Variants in ACTR2 observed in about 807,000 individuals in gnomAD.
ACTR2 encodes the protein actin-related protein 2.
Under a neutral mutation model 50.2 loss-of-function variants are expected in ACTR2, and 5 were observed. The ratio of observed to expected loss-of-function variants is 0.10; its 90% CI spans 0.05 to 0.21. ACTR2 has a LOEUF of 0.21. Ranked by LOEUF, ACTR2 falls within the 10% of genes least tolerant of loss-of-function variation. The pLI is 1.00. For missense variants in ACTR2, 180 were observed against 480.6 expected (o/e 0.37, Z 5.85); for synonymous variants, 140 against 162.9 (o/e 0.86, Z 1.07).
At chr2:65,234,286 C>G (rs1226722011) in intron 1 of ACTR2, among the ~76,000 whole-genome samples, 1 of 152,162 alleles carries the variant, frequency 6.6e-6, no homozygotes, top group African/African-American at 2.4e-5. Flanking sequence ...GCAATTTTTG[C>G]TATCTTGATG....
At chr2:65,248,277 G>A (rs1397447100) in intron 3 of ACTR2, among the ~76,000 whole-genome samples, 2 of 152,166 alleles carry the variant, frequency 1.3e-5, no homozygotes, top group African/African-American at 2.4e-5. Context: ...GTGCGTGCCT[G>A]TAATCCCAGC....
At chr2:65,239,000 A>T (rs971078186) in intron 1 of ACTR2, among the ~76,000 whole-genome samples, 1 of 152,084 alleles carries the variant, frequency 6.6e-6, no homozygotes, top group Non-Finnish European at 1.5e-5. Context: ...TGCCTAATAA[A>T]TGTTTCTTTT....
rs2104031965 is a variant in ACTR2 at position 65,271,003 on chromosome 2, G to C, written c.*2269G>C. The stretch of plus-strand genomic sequence containing the variant: ...TTAAAAATTTAAAATTTTTAAATTA[G>C]AATTGCCAATACTTCTACATTTGAG... On this transcript the variant is annotated 3_prime_UTR_variant, in exon 9 of 9. Coordinates refer to ENST00000260641, the MANE Select transcript of ACTR2 (RefSeq NM_005722.4). 1 of 151,986 alleles carries C rather than the reference G, an allele frequency of 6.6e-6. No individual in the cohort carries two copies. The allele number at this position is 151,986 out of a possible 1,614,324, so 9.4% of individuals were successfully genotyped here.
In ACTR2 at chr2:65,227,848, A is replaced by G; in HGVS notation, c.-62A>G. 1 of 1,482,192 alleles carries G rather than the reference A, an allele frequency of 6.7e-7. No homozygotes were observed. The highest frequency in any genetic ancestry group is 9.0e-7 in the Non-Finnish European group (1 of 1,114,538). 91.8% of individuals were successfully genotyped at this position (1,482,192 alleles called of 1,614,324 possible). ...GGGAAGACGCAAGAGGAAGAAGAGA[A>G]AACGGCCGGGCGGCGGTGGCTGTAG... On this transcript the variant is annotated 5_prime_UTR_variant, in exon 1 of 9. Transcript: ENST00000260641.
intron 7 of ACTR2, among the ~76,000 whole-genome samples, chr2:65,264,110 T>TA (rs1672329843): frequency 6.6e-6 from 1 of 152,170 alleles, no homozygotes. Flanking sequence ...TCGACGTACC[T>TA]AAAGTGCGGA....
intron 2 of ACTR2, among the ~76,000 whole-genome samples, chr2:65,245,511 C>T (rs1671918934): frequency 1.3e-5 from 2 of 152,146 alleles, no homozygotes; most frequent in Admixed American, 1.3e-4. Flanking sequence ...TAGAGCGAGA[C>T]TCAGTCTCAA....
chr2:65,228,191 G>C (rs1186038439), intron 1 of ACTR2: 3 of 407,176 alleles, frequency 7.4e-6, no homozygotes, highest in Non-Finnish European at 8.6e-6. Flanking sequence ...GGGGCGGCGG[G>C]CGAGACCGGC....
chr2:65,255,484 C>G, intron 5 of ACTR2, 61 bp from the exon 6 acceptor site: 1 of 1,464,744 alleles, frequency 6.8e-7, no homozygotes, highest in East Asian at 2.3e-5. Flanking sequence ...GCATTACTAG[C>G]TTTTGCAGAG....
rs556589882 is a variant in ACTR2 at position 65,251,955 on chromosome 2, T to G, written c.448+856T>G. 7.2e-5 allele frequency among the ~76,000 whole-genome samples: 11 copies of G among 152,068 alleles called. 1 individual carries two copies. Among genetic ancestry groups the G allele is most frequent in the African/African-American group, 2.7e-4 (11 of 41,476 alleles). On this transcript the variant is annotated intron_variant, in intron 4 of 8. Coordinates refer to ENST00000260641, the MANE Select transcript of ACTR2 (RefSeq NM_005722.4). ...TTTTTTTTTTTATGGTCTTATAAAT[T>G]CAACAGGAACTTACTGAGAATGTCT...
chr2:65,239,923 T>C lies in ACTR2; in HGVS notation c.120T>C (p.Ile40=). The C allele has an allele frequency of 6.2e-7, 1 of 1,612,944 alleles. No individual in the cohort carries two copies. Among genetic ancestry groups the C allele is most frequent in the Non-Finnish European group, 8.5e-7 (1 of 1,179,044 alleles). Residue 40 remains isoleucine, a synonymous_variant, in exon 2 of 9, where the codon ATT becomes ATC. Transcript: ENST00000260641. ...TCCCAGCTTTGGTTGGAAGACCTAT[T>C]ATCAGATCAACCACCAAAGTGGGAA... is the stretch of plus-strand genomic sequence containing the variant. The part of the protein sequence containing the change: ...HIFPALVGRP[I]IRSTTKVGNI...
rs560043988 is a variant in ACTR2, at chr2:65,262,399, T to C, written c.881+1007T>C. On this transcript the variant is annotated intron_variant, in intron 7 of 8. Coordinates refer to ENST00000260641, the MANE Select transcript of ACTR2 (RefSeq NM_005722.4). ...CATGTACCACCATGCCCAGAATTTT[T>C]TTTTTTTTTTTTGTATTTTTTAGTA... Among the ~76,000 whole-genome samples the C allele has an allele frequency of 7.5e-4, 114 of 151,720 alleles. 2 individuals carry two copies. In the South Asian group the frequency reaches 0.024, roughly 32 times the overall value.
intron 8 of ACTR2, 51 bp from the exon 9 acceptor site, chr2:65,268,513 A>G: frequency 6.5e-7 from 1 of 1,527,776 alleles, no homozygotes; most frequent in Non-Finnish European, 8.9e-7. Flanking sequence ...TTCATAAAGC[A>G]GAAAGCACTG....
intron 1 of ACTR2, among the ~76,000 whole-genome samples, chr2:65,234,529 T>C (rs1671704473): frequency 6.6e-6 from 1 of 152,236 alleles, no homozygotes; most frequent in African/African-American, 2.4e-5. Context: ...GCTTAAAATA[T>C]ACTCATAAGA....
At position 65,248,003 on chromosome 2, in the gene ACTR2, A is replaced by G. The variant is rs558555799; in HGVS notation, c.375+1264A>G. On this transcript the variant is annotated intron_variant, in intron 3 of 8. Coordinates refer to ENST00000260641, the MANE Select transcript of ACTR2 (RefSeq NM_005722.4). ...AGTGTAAAGGTCTTAAGTTAGGAAC[A>G]AGCTTGGTATATTAAAGAATAAGCA... 4.6e-5 allele frequency among the ~76,000 whole-genome samples: 7 copies of G among 152,304 alleles called. No individual in the cohort carries two copies. The East Asian group carries it at 1.3e-3, about 29-fold the overall frequency.
In ACTR2 at chr2:65,251,190, T is replaced by G. The variant is rs1452786868; in HGVS notation, c.448+91T>G. The G allele has an allele frequency of 4.9e-6, 4 of 813,810 alleles. No homozygotes were observed. In the African/African-American group the frequency reaches 7.0e-5, roughly 14 times the overall value. The allele number at this position is 813,810 out of a possible 1,614,324, so 50.4% of individuals were successfully genotyped here. On this transcript the variant is annotated intron_variant, in intron 4 of 8. Transcript: ENST00000260641. ...GAGAATTTGGTTTCTCAATAAGTTATAAGCCCCAGAAAACTACATTATTTA... is the reference window on the plus strand; with the variant it reads ...GAGAATTTGGTTTCTCAATAAGTTAGAAGCCCCAGAAAACTACATTATTTA...
intron 8 of ACTR2, among the ~76,000 whole-genome samples, chr2:65,266,918 A>G (rs1465602454): frequency 6.6e-6 from 1 of 152,212 alleles, no homozygotes; most frequent in East Asian, 1.9e-4. Flanking sequence ...AGATGAGTTC[A>G]GCAAGGAGGG....
At chr2:65,256,263 G>C (rs1024603320) in intron 6 of ACTR2, among the ~76,000 whole-genome samples, 8 of 152,182 alleles carry the variant, frequency 5.3e-5, no homozygotes, top group Admixed American at 3.9e-4. Context: ...GTAGGTGGCA[G>C]CCTTTCCTGA....
At chr2:65,256,100 T>G (rs1672144166) in intron 6 of ACTR2, among the ~76,000 whole-genome samples, 1 of 152,212 alleles carries the variant, frequency 6.6e-6, no homozygotes, top group Non-Finnish European at 1.5e-5. Context: ...ACTGTAGAAC[T>G]CAGAGCCTTT....
intron 2 of ACTR2, chr2:65,242,139 CT>C: frequency 9.2e-7 from 1 of 1,090,734 alleles, no homozygotes; most frequent in Non-Finnish European, 1.4e-6. Context: ...TTTTGTGTCC[CT>C]TTAGTATTGG....
Sources: gnomAD v4.1 joint callset for allele counts (sites outside exome capture counted in the v4.1 genomes callset) on GRCh38, gnomAD v4.1.1 for gene constraint, MANE v1.5 for transcripts, NCBI Gene and HGNC (gene_info 2026-07-23, HGNC 2026-07-21) for gene names.